Variants in CDH12 observed in about 807,000 individuals in gnomAD.
CDH12 encodes cadherin 12, also known as cadherin-12.
A neutral mutation model predicts 74.1 loss-of-function variants in CDH12; 41 were observed. That is an observed-to-expected ratio of 0.55 (90% CI 0.43 to 0.72). CDH12 has a LOEUF of 0.72. Ranked by LOEUF, CDH12 falls within the 30% of genes least tolerant of loss-of-function variation. The pLI is 0.00. For missense variants in CDH12, 945 were observed against 977.2 expected (o/e 0.97, Z 0.44); for synonymous variants, 399 against 355.0 (o/e 1.12, Z -1.39).
chr5:22,081,809 C>G (rs549976314), intron 4 of CDH12, among the ~76,000 whole-genome samples: 72 of 152,278 alleles, frequency 4.7e-4, no homozygotes, highest in African/African-American at 1.7e-3. Flanking sequence ...GGCTCCCTAC[C>G]AGAGTAATCT....
At chr5:22,182,455 T>C (rs1749699744) in intron 4 of CDH12, among the ~76,000 whole-genome samples, 1 of 152,166 alleles carries the variant, frequency 6.6e-6, no homozygotes, top group African/African-American at 2.4e-5. Flanking sequence ...CAGCACCTAG[T>C]TTGGTAGATG....
In CDH12 at chr5:22,771,846, A is replaced by G. The variant is rs184097633; in HGVS notation, c.-523+81212T>C. Among the ~76,000 whole-genome samples the G allele has an allele frequency of 2.3e-3, 355 of 152,216 alleles. 2 individuals are homozygous for G. The highest frequency in any genetic ancestry group is 7.9e-3 in the African/African-American group (328 of 41,564). ...TAAGCTGCCTGCTGGACTACTCTGT[A>G]GACTTTTGACCTGCCAACCTTTGCA... On this transcript the variant is annotated intron_variant, in intron 1 of 14. Transcript: ENST00000382254.
At chr5:22,257,562 C>T (rs1173168174) in intron 3 of CDH12, among the ~76,000 whole-genome samples, 6 of 151,688 alleles carry the variant, frequency 4.0e-5, no homozygotes, top group South Asian at 4.2e-4. Context: ...TGCAGTGGCG[C>T]GATCTCGGTT....
In CDH12 at chr5:21,921,086, T is replaced by C. The variant is rs116568182; in HGVS notation, c.526+54005A>G. On this transcript the variant is annotated intron_variant, in intron 6 of 14. Transcript: ENST00000382254. ...AATTGTCATCTCTCTTCTGTCTCTG[T>C]CCTTGAGGGACATAAGATTGATCAA... Among the ~76,000 whole-genome samples, 871 of 152,330 alleles carry C rather than the reference T, an allele frequency of 5.7e-3. 6 individuals carry two copies. Among genetic ancestry groups the C allele is most frequent in the African/African-American group, 0.018 (741 of 41,582 alleles).
chr5:22,152,253 A>G (rs6884655), intron 4 of CDH12: 1 of 152,108 alleles, frequency 6.6e-6, no homozygotes, highest in African/African-American at 2.4e-5. Context: ...CAACAATGAC[A>G]ACGACAACAA....
intron 1 of CDH12, among the ~76,000 whole-genome samples, chr5:22,558,364 G>T (rs1738896879): frequency 6.6e-6 from 1 of 152,090 alleles, no homozygotes; most frequent in Non-Finnish European, 1.5e-5. Context: ...AGGTTGTTGG[G>T]TGGTTTGGCA....
intron 6 of CDH12, among the ~76,000 whole-genome samples, chr5:21,906,251 A>T (rs917582727): frequency 1.3e-5 from 2 of 152,110 alleles, no homozygotes; most frequent in African/African-American, 4.8e-5. Context: ...GGTTTTCATG[A>T]CTTCAGTCAT....
chr5:22,125,802 GTTC>G (rs1242110139), intron 4 of CDH12, among the ~76,000 whole-genome samples: 3 of 152,140 alleles, frequency 2.0e-5, no homozygotes, highest in Admixed American at 2.0e-4. Context: ...TTTTTGAGAT[GTTC>G]TTCTTACTTT....
At chr5:22,770,042 CT>C (rs150735015) in intron 1 of CDH12, among the ~76,000 whole-genome samples, 3,183 of 148,864 alleles carry the variant, frequency 0.021, 90 homozygotes, top group African/African-American at 0.073. Context: ...GTTGCGCTGA[CT>C]TTTTTTTTTC....
Position 22,131,331 on chromosome 5 carries a change from C to T in CDH12, c.-186-52469G>A, listed in dbSNP as rs1219020475. On this transcript the variant is annotated intron_variant, in intron 4 of 14. Transcript: ENST00000382254. ...CACAACTGTCACAGCTTACAAAATG[C>T]ATCTTCACCAATTAGTTACCTAGTT... Among the ~76,000 whole-genome samples, 4 of 151,982 alleles carry T rather than the reference C, an allele frequency of 2.6e-5. 1 individual carries two copies. The highest frequency in any genetic ancestry group is 4.8e-5 in the African/African-American group (2 of 41,422).
At chr5:22,325,795 C>A (rs565039050) in intron 3 of CDH12, among the ~76,000 whole-genome samples, 2 of 152,078 alleles carry the variant, frequency 1.3e-5, no homozygotes, top group Non-Finnish European at 2.9e-5. Context: ...GTAGTCCCAG[C>A]TGCTCGGGAG....
At chr5:22,050,089 A>G (rs1740256525) in intron 5 of CDH12, among the ~76,000 whole-genome samples, 1 of 152,002 alleles carries the variant, frequency 6.6e-6, no homozygotes, top group Non-Finnish European at 1.5e-5. Flanking sequence ...GCTTCTTCCG[A>G]TATTCTGAAC....
chr5:22,059,336 C>CATCTATCTATCT (rs58259827), intron 5 of CDH12, among the ~76,000 whole-genome samples: 27 of 144,158 alleles, frequency 1.9e-4, no homozygotes, highest in Non-Finnish European at 2.4e-4. Flanking sequence ...GTCTATCTAT[C>CATCTATCTATCT]ATCTATCTAT....
intron 10 of CDH12, among the ~76,000 whole-genome samples, chr5:21,786,312 C>A (rs1259008846): frequency 6.6e-6 from 1 of 152,100 alleles, no homozygotes; most frequent in Admixed American, 6.6e-5. Flanking sequence ...TGCCACTACG[C>A]CTGGCTAATT....
intron 2 of CDH12, among the ~76,000 whole-genome samples, chr5:22,478,661 T>C (rs921831175): frequency 9.2e-5 from 14 of 151,946 alleles, no homozygotes; most frequent in African/African-American, 2.9e-4. Context: ...CCTGAAAGAC[T>C]TATGCTGCTT....
chr5:22,191,552 G>GTTTTTTT (rs1750276816), intron 4 of CDH12, among the ~76,000 whole-genome samples: 2 of 109,706 alleles, frequency 1.8e-5, no homozygotes, highest in African/African-American at 6.5e-5. Flanking sequence ...TACACCAATG[G>GTTTTTTT]TCTTTTTATT....
chr5:21,859,972 G>T (rs1750948470), intron 6 of CDH12, among the ~76,000 whole-genome samples: 1 of 151,730 alleles, frequency 6.6e-6, no homozygotes, highest in Admixed American at 6.6e-5. Context: ...GACACAATTG[G>T]CCCGGACTCT....
At chr5:22,078,907 A>G in intron 4 of CDH12, 45 bp from the exon 5 acceptor site, 1 of 1,058,532 alleles carries the variant, frequency 9.4e-7, no homozygotes, top group Non-Finnish European at 1.2e-6. Context: ...ATGAAATTGC[A>G]TGATGATATT....
chr5:22,063,671 A>G (rs569970071), intron 5 of CDH12, among the ~76,000 whole-genome samples: 1 of 151,788 alleles, frequency 6.6e-6, no homozygotes, highest in African/African-American at 2.4e-5. Context: ...GGTACTAGAT[A>G]TTTGGTCAAA....
Sources: gnomAD v4.1 joint callset for allele counts (sites outside exome capture counted in the v4.1 genomes callset) on GRCh38, gnomAD v4.1.1 for gene constraint, MANE v1.5 for transcripts, NCBI Gene and HGNC (gene_info 2026-07-23, HGNC 2026-07-21) for gene names.